Variants in ESR1 observed in about 807,000 individuals in gnomAD.
ESR1 encodes the protein estrogen receptor 1.
Under a neutral mutation model 52.7 loss-of-function variants are expected in ESR1, and 12 were observed. The observed-to-expected ratio is 0.23, with a 90% CI of 0.15 to 0.37. The LOEUF (loss-of-function observed/expected upper bound fraction) is 0.37, where lower values mean the gene tolerates loss of function less well. Ranked by LOEUF, ESR1 falls within the 10% of genes least tolerant of loss-of-function variation. The pLI, the probability that ESR1 is intolerant of heterozygous loss-of-function variation, is 1.00. For missense variants in ESR1, 584 were observed against 779.7 expected (o/e 0.75, Z 2.99); for synonymous variants, 305 against 316.8 (o/e 0.96, Z 0.39).
chr6:151,920,252 C>T (rs866426459), intron 3 of ESR1, among the ~76,000 whole-genome samples: 21 of 150,652 alleles, frequency 1.4e-4, no homozygotes, highest in Middle Eastern at 3.5e-3. Context: ...GAAGGGGCAA[C>T]GTAAAACTAA....
intron 1 of ESR1, among the ~76,000 whole-genome samples, chr6:151,694,316 A>T (rs1389456350): frequency 6.6e-6 from 1 of 152,218 alleles, no homozygotes; most frequent in Non-Finnish European, 1.5e-5. Context: ...GGCCTTGGGA[A>T]AGCAGGTTAA....
rs1366615572 is a variant in ESR1 at position 152,061,650 on chromosome 6, A to G, written c.1369+526A>G. Reference sequence around the variant, plus strand: ...CAATAAATTGTCCAGCTGAAAGAACATTTTCCATTTGCTCTATGAAGTCTG... The same window carrying G: ...CAATAAATTGTCCAGCTGAAAGAACGTTTTCCATTTGCTCTATGAAGTCTG... On this transcript the variant is annotated intron_variant, in intron 6 of 7. Transcript: ENST00000206249. This position sits in a 1 kb window ranked among gnomAD's most constrained non-coding sequence, Gnocchi z 4.3. Among the ~76,000 whole-genome samples the G allele has an allele frequency of 2.0e-5, 3 of 152,166 alleles. No individual in the cohort carries two copies. Among genetic ancestry groups the G allele is most frequent in the Non-Finnish European group, 4.4e-5 (3 of 68,042 alleles).
Position 151,854,615 on chromosome 6 carries a change from G to C in ESR1, c.643+11828G>C, listed in dbSNP as rs185072774. ...AATAAGCATCATCTTTCTCTGATTA[G>C]TGTGGCAGTTTCAAAATCATGTATT... On this transcript the variant is annotated intron_variant, in intron 2 of 7. Coordinates refer to ENST00000206249, the MANE Select transcript of ESR1 (RefSeq NM_000125.4). 4.1e-3 allele frequency among the ~76,000 whole-genome samples: 630 copies of C among 152,244 alleles called. 2 individuals are homozygous for C. The highest frequency in any genetic ancestry group is 0.014 in the African/African-American group (594 of 41,556).
intron 2 of ESR1, among the ~76,000 whole-genome samples, chr6:151,745,029 C>G (rs1783383787): frequency 6.6e-6 from 1 of 152,188 alleles, no homozygotes; most frequent in African/African-American, 2.4e-5. Context: ...TCTCCCTGCT[C>G]TTAGCTCTTC....
chr6:151,998,240 G>A (rs1371613451), intron 4 of ESR1, among the ~76,000 whole-genome samples: 1 of 152,046 alleles, frequency 6.6e-6, no homozygotes, highest in Non-Finnish European at 1.5e-5. Flanking sequence ...GCAGTGGGGG[G>A]TATTAAATGG....
chr6:151,741,782 T>C lies in ESR1; in HGVS notation c.-71+39777T>C, dbSNP rs180709630. Among the ~76,000 whole-genome samples the C allele has an allele frequency of 7.2e-4, 109 of 152,318 alleles. 1 individual carries two copies. Among genetic ancestry groups the C allele is most frequent in the Non-Finnish European group, 5.9e-4 (40 of 68,022 alleles). ...CTAACGTATCCATCATCTCACGTTG[T>C]TATCCAACACTAAAATCTACGCATG... On this transcript the variant is annotated intron_variant, in intron 2 of 2. Coordinates refer to the ESR1 transcript ENST00000404742.
At chr6:151,877,730 G>A (rs1030030720) in intron 2 of ESR1, among the ~76,000 whole-genome samples, 3 of 152,146 alleles carry the variant, frequency 2.0e-5, no homozygotes, top group African/African-American at 7.2e-5. Context: ...TGGGGAGAAA[G>A]TGAGTCAAAG....
intron 2 of ESR1, among the ~76,000 whole-genome samples, chr6:151,780,376 G>GA (rs199984940): frequency 2.6e-5 from 4 of 151,416 alleles, no homozygotes; most frequent in African/African-American, 9.7e-5. Context: ...AAAAGAAAAA[G>GA]AAAAAAAACC....
chr6:151,808,400 C>T (rs1166089551), intron 1 of ESR1, 36 bp downstream of exon 1: 10 of 721,144 alleles, frequency 1.4e-5, no homozygotes, highest in Non-Finnish European at 1.8e-5. Flanking sequence ...GGGTGGCCGC[C>T]GCGCCCGGCA....
In ESR1 at chr6:152,014,841, A is replaced by G. The variant is rs141214202; in HGVS notation, c.1235+3047A>G. Among the ~76,000 whole-genome samples, 267 of 152,180 alleles carry G rather than the reference A, an allele frequency of 1.8e-3. 2 individuals are homozygous for G. Among genetic ancestry groups the G allele is most frequent in the African/African-American group, 6.1e-3 (255 of 41,534 alleles). Reference sequence around the variant, plus strand: ...TTTCTAAGGCACAGCTGTGATCATGATGCTTCCTGACTCACCTTTCAGTGG... The same window carrying G: ...TTTCTAAGGCACAGCTGTGATCATGGTGCTTCCTGACTCACCTTTCAGTGG... On this transcript the variant is annotated intron_variant, in intron 5 of 7. Transcript: ENST00000206249.
At chr6:151,736,375 G>GGTTTTTTTTTTTTTTTTTTTT (rs1554247186) in intron 2 of ESR1, among the ~76,000 whole-genome samples, 11 of 112,720 alleles carry the variant, frequency 9.8e-5, no homozygotes, top group African/African-American at 3.8e-4. Flanking sequence ...TCCAGGTAGT[G>GGTTTTTTTTTTTTTTTTTTTT]TTTTTTTTTT....
intron 2 of ESR1, among the ~76,000 whole-genome samples, chr6:151,715,749 G>A (rs932799732): frequency 6.6e-6 from 1 of 151,896 alleles, no homozygotes; most frequent in Non-Finnish European, 1.5e-5. Context: ...TTTTTTCAAG[G>A]TTCTTAGCTT....
At chr6:151,997,124 G>A (rs2041562733) in intron 4 of ESR1, among the ~76,000 whole-genome samples, 1 of 151,840 alleles carries the variant, frequency 6.6e-6, no homozygotes, top group Admixed American at 6.6e-5. Context: ...AATGTGTGAA[G>A]AGCATCTTAC....
chr6:151,896,422 A>G lies in ESR1; in HGVS notation c.760+15651A>G, dbSNP rs374748500. Among the ~76,000 whole-genome samples, 39 of 152,242 alleles carry G rather than the reference A, an allele frequency of 2.6e-4. No individual in the cohort carries two copies. The East Asian group carries it at 3.3e-3, about 13-fold the overall frequency. ...TCCTGACTTAAGCTAGGAGGTTTGT[A>G]TCTTTCCAGGAATTTACCTATCTCT... On this transcript the variant is annotated intron_variant, in intron 3 of 7. Coordinates refer to ENST00000206249, the MANE Select transcript of ESR1 (RefSeq NM_000125.4).
Position 151,958,993 on chromosome 6 carries a change from T to TGC in ESR1, c.1096+14487_1096+14488dup, listed in dbSNP as rs1554294268. Reference sequence around the variant, plus strand: ...GTTTCCGTGTGTGTGTGTGTGTGTGTGCGTGTGTGTGTTTACGGAGAGGAG... The same window carrying TGC: ...GTTTCCGTGTGTGTGTGTGTGTGTGTGCGCGTGTGTGTGTTTACGGAGAGGAG... On this transcript the variant is annotated intron_variant, in intron 4 of 7. Coordinates refer to ENST00000206249, the MANE Select transcript of ESR1 (RefSeq NM_000125.4). 5.9e-5 allele frequency among the ~76,000 whole-genome samples: 9 copies of TGC among 152,014 alleles called. No individual in the cohort carries two copies. In the East Asian group the frequency reaches 9.7e-4, roughly 16 times the overall value.
In ESR1 at chr6:151,855,456, T is replaced by A. The variant is rs188163048; in HGVS notation, c.643+12669T>A. 1.5e-3 allele frequency among the ~76,000 whole-genome samples: 229 copies of A among 152,290 alleles called. 1 individual carries two copies. Among genetic ancestry groups the A allele is most frequent in the African/African-American group, 5.4e-3 (223 of 41,550 alleles). Reference sequence around the variant, plus strand: ...CTCTTCATAGCACATTTGTACTCTGTCCACACCTAGAGACCTCCCTGTTGA... The same window carrying A: ...CTCTTCATAGCACATTTGTACTCTGACCACACCTAGAGACCTCCCTGTTGA... On this transcript the variant is annotated intron_variant, in intron 2 of 7. Transcript: ENST00000206249.
intron 3 of ESR1, among the ~76,000 whole-genome samples, chr6:151,922,139 A>G (rs2031821355): frequency 6.6e-6 from 1 of 152,202 alleles, no homozygotes; most frequent in South Asian, 2.1e-4. Flanking sequence ...AACAGAATAG[A>G]GAACTCAGAA....
intron 2 of ESR1, among the ~76,000 whole-genome samples, chr6:151,795,734 A>G (rs1472831262): frequency 6.6e-6 from 1 of 152,230 alleles, no homozygotes; most frequent in Non-Finnish European, 1.5e-5. Flanking sequence ...GTACAAATTT[A>G]CTAATTGTAG....
intron 6 of ESR1, among the ~76,000 whole-genome samples, chr6:152,068,721 G>A (rs188193763): frequency 6.6e-6 from 1 of 152,142 alleles, no homozygotes; most frequent in African/African-American, 2.4e-5. Flanking sequence ...GGAGCGTGTG[G>A]AACCTAGTTT....
Sources: allele counts gnomAD v4.1 joint callset (sites outside exome capture counted in the v4.1 genomes callset), GRCh38; gene constraint gnomAD v4.1.1; non-coding constraint Gnocchi (gnomAD v3.1); transcripts MANE v1.5; gene names NCBI Gene and HGNC (gene_info 2026-07-23, HGNC 2026-07-21).